Variants in SLC14A2 observed in about 807,000 individuals in gnomAD.
SLC14A2 encodes solute carrier family 14 member 2.
In SLC14A2, 91 loss-of-function variants were observed where a neutral mutation model predicts 104.6. The observed-to-expected ratio is 0.87, with a 90% confidence interval of 0.73 to 1.04. The LOEUF (loss-of-function observed/expected upper bound fraction) is 1.04, where lower values mean the gene tolerates loss of function less well. Ranked by LOEUF, SLC14A2 falls within the 50% of genes least tolerant of loss-of-function variation. The pLI, the probability that SLC14A2 is intolerant of heterozygous loss-of-function variation, is 0.00. For synonymous variants in SLC14A2, 476 were observed against 466.4 expected (o/e 1.02, Z -0.27); for missense variants, 1,189 against 1,156.0 (o/e 1.03, Z -0.41).
At position 45,540,004 on chromosome 18, in the gene SLC14A2, C is replaced by T. The variant is rs564873739; in HGVS notation, c.-35+56682C>T. 2.6e-5 allele frequency among the ~76,000 whole-genome samples: 4 copies of T among 152,004 alleles called. No individual in the cohort carries two copies. The South Asian group carries it at 8.3e-4, about 32-fold the overall frequency. Reference sequence around the variant, plus strand: ...ATACGGGGTGCTGAGCAATAGGCAACTCGTAAAATTTTATCTCTGGTATGA... The same window carrying T: ...ATACGGGGTGCTGAGCAATAGGCAATTCGTAAAATTTTATCTCTGGTATGA... On this transcript the variant is annotated intron_variant, in intron 2 of 20. Transcript: ENST00000586448.
At chr18:45,664,065 G>A (rs544989917) in intron 11 of SLC14A2, among the ~76,000 whole-genome samples, 158 bp downstream of exon 11, 45 of 152,190 alleles carry the variant, frequency 3.0e-4, no homozygotes, top group Admixed American at 1.1e-3. Context: ...ACAGTTCCCC[G>A]AATGCGTCTG....
chr18:45,250,616 G>C (rs560935873), intron 1 of SLC14A2, among the ~76,000 whole-genome samples: 1 of 152,182 alleles, frequency 6.6e-6, no homozygotes, highest in South Asian at 2.1e-4. Flanking sequence ...TCTGGGGATG[G>C]GTAGTATTAG....
intron 1 of SLC14A2, among the ~76,000 whole-genome samples, chr18:45,278,312 T>C (rs1396470487): frequency 6.6e-6 from 1 of 152,200 alleles, no homozygotes; most frequent in Non-Finnish European, 1.5e-5. Context: ...GGTCGGATAA[T>C]TTTTTGTTGT....
chr18:45,617,076 C>A (rs889948100), intron 1 of SLC14A2, among the ~76,000 whole-genome samples: 2 of 152,062 alleles, frequency 1.3e-5, no homozygotes, highest in Admixed American at 6.5e-5. Flanking sequence ...CTAGCCTGGG[C>A]AACAGTGGAG....
chr18:45,536,560 C>A (rs2043787676), intron 2 of SLC14A2, among the ~76,000 whole-genome samples: 1 of 152,128 alleles, frequency 6.6e-6, no homozygotes, highest in South Asian at 2.1e-4. Flanking sequence ...CTCCAGAGGA[C>A]ACCATTCATG....
intron 2 of SLC14A2, among the ~76,000 whole-genome samples, chr18:45,589,873 C>A (rs2044622486): frequency 6.6e-6 from 1 of 152,078 alleles, no homozygotes; most frequent in African/African-American, 2.4e-5. Flanking sequence ...AGAAAGAATG[C>A]AAAGAAAGGT....
chr18:45,352,656 G>C (rs1333829360), intron 1 of SLC14A2, among the ~76,000 whole-genome samples: 1 of 151,958 alleles, frequency 6.6e-6, no homozygotes, highest in Non-Finnish European at 1.5e-5. Context: ...ATGTTTACAA[G>C]TGACACCAAA....
intron 1 of SLC14A2, among the ~76,000 whole-genome samples, chr18:45,408,526 G>A (rs2086181027): frequency 6.6e-6 from 1 of 152,182 alleles, no homozygotes; most frequent in African/African-American, 2.4e-5. Context: ...GTACATAGCA[G>A]CTTCCAGCCT....
intron 1 of SLC14A2, among the ~76,000 whole-genome samples, chr18:45,214,726 C>G (rs1339629180): frequency 6.6e-6 from 1 of 151,964 alleles, no homozygotes; most frequent in Non-Finnish European, 1.5e-5. Flanking sequence ...ATGATTTGCA[C>G]TTTTCCAGTA....
At position 45,630,628 on chromosome 18, in the gene SLC14A2, G is replaced by T. The variant is rs924565786; in HGVS notation, c.522-1722G>T. 2.0e-5 allele frequency among the ~76,000 whole-genome samples: 3 copies of T among 152,114 alleles called. No individual in the cohort carries two copies. The East Asian group carries it at 5.8e-4, about 29-fold the overall frequency. ...TCTCCACAGGGTGGGACAGCTATTG[G>T]TATTAAAACAAAAAAAGCACTAATT... On this transcript the variant is annotated intron_variant, in intron 4 of 19. Coordinates refer to ENST00000255226, the MANE Select transcript of SLC14A2 (RefSeq NM_007163.4).
At chr18:45,552,828 G>A (rs1198081722) in intron 2 of SLC14A2, among the ~76,000 whole-genome samples, 3 of 152,222 alleles carry the variant, frequency 2.0e-5, no homozygotes, top group Non-Finnish European at 2.9e-5. Flanking sequence ...AGAGCTGGGG[G>A]AAAGAAAGCA....
intron 1 of SLC14A2, among the ~76,000 whole-genome samples, chr18:45,379,744 A>T (rs2085813594): frequency 6.6e-6 from 1 of 152,230 alleles, no homozygotes. Flanking sequence ...TAACCATTTT[A>T]GATAAAATCC....
chr18:45,648,765 A>C (rs187334100), intron 10 of SLC14A2, among the ~76,000 whole-genome samples: 8 of 150,854 alleles, frequency 5.3e-5, no homozygotes, highest in Non-Finnish European at 4.4e-5. Context: ...TTTTTCTTTC[A>C]CTTTTTTACT....
intron 1 of SLC14A2, among the ~76,000 whole-genome samples, chr18:45,295,459 T>C (rs1368716968): frequency 1.3e-5 from 2 of 152,132 alleles, no homozygotes; most frequent in Non-Finnish European, 2.9e-5. Context: ...CATCATTAAG[T>C]AGCTGTCCAT....
At chr18:45,495,928 C>CT (rs1424571999) in intron 2 of SLC14A2, among the ~76,000 whole-genome samples, 1 of 152,222 alleles carries the variant, frequency 6.6e-6, no homozygotes, top group Non-Finnish European at 1.5e-5. Context: ...GACCTGCTTG[C>CT]TGAAAGTTTG....
intron 1 of SLC14A2, among the ~76,000 whole-genome samples, chr18:45,329,702 CTT>C (rs1408072225): frequency 2.6e-5 from 4 of 152,194 alleles, no homozygotes; most frequent in Non-Finnish European, 5.9e-5. Context: ...AGAAGTGCAT[CTT>C]TCTCTTCTTT....
chr18:45,379,805 C>T (rs942143564), intron 1 of SLC14A2, among the ~76,000 whole-genome samples: 1 of 152,160 alleles, frequency 6.6e-6, no homozygotes, highest in Non-Finnish European at 1.5e-5. Context: ...CAGAACTTGG[C>T]CATGACCAAA....
At chr18:45,415,307 C>T (rs191731596) in intron 1 of SLC14A2, among the ~76,000 whole-genome samples, 59 of 152,188 alleles carry the variant, frequency 3.9e-4, no homozygotes, top group Non-Finnish European at 6.9e-4. Context: ...CAATTTTATA[C>T]GACTGAGCAC....
chr18:45,602,161 A>G (rs2044800184), intron 2 of SLC14A2, among the ~76,000 whole-genome samples: 1 of 152,248 alleles, frequency 6.6e-6, no homozygotes, highest in African/African-American at 2.4e-5. Context: ...TGAGCCATAC[A>G]ATGGTAAATA....
Sources: gnomAD v4.1 joint callset for allele counts (sites outside exome capture counted in the v4.1 genomes callset) on GRCh38, gnomAD v4.1.1 for gene constraint, MANE v1.5 for transcripts, NCBI Gene and HGNC (gene_info 2026-07-23, HGNC 2026-07-21) for gene names.